PCDHGB3: variants seen among roughly 807,000 people sequenced by gnomAD.
The protein encoded by PCDHGB3 is protocadherin gamma-B3.
A neutral mutation model predicts 59.2 loss-of-function variants in PCDHGB3; 40 were observed. The ratio of observed to expected loss-of-function variants is 0.68; its 90% CI spans 0.52 to 0.88. The LOEUF (loss-of-function observed/expected upper bound fraction) is 0.88, where lower values mean the gene tolerates loss of function less well. Ranked by LOEUF, PCDHGB3 falls within the 40% of genes least tolerant of loss-of-function variation. The pLI is 0.00. For synonymous variants in PCDHGB3, 581 were observed against 503.6 expected (o/e 1.15, Z -2.06); for missense variants, 1,309 against 1,187.9 (o/e 1.10, Z -1.50).
intron 1 of PCDHGB3, among the ~76,000 whole-genome samples, chr5:141,438,633 T>C (rs1222106413): frequency 2.9e-5 from 1 of 34,046 alleles, no homozygotes; most frequent in Non-Finnish European, 5.1e-5. Context: ...TATATATATA[T>C]ATACACACAC....
rs118021618 is a variant in PCDHGB3, at chr5:141,382,926, C to T, written c.2415+10117C>T. On this transcript the variant is annotated intron_variant, in intron 1 of 3. Transcript: ENST00000576222. ...TGGCGGCTCAGCCGAGGGGCGGGGA[C>T]TACAGAGGATTCTTCCTGCTCTCCA... 1,227 of 1,577,740 alleles carry T rather than the reference C, an allele frequency of 7.8e-4. 19 individuals carry two copies. The East Asian group carries it at 0.025, about 33-fold the overall frequency.
At chr5:141,390,163 C>T (rs376391116) in intron 1 of PCDHGB3, 27 of 1,613,874 alleles carry the variant, frequency 1.7e-5, no homozygotes, top group African/African-American at 2.7e-5. Flanking sequence ...ACAGGAAAGA[C>T]GGAGTTTAAT....
intron 1 of PCDHGB3, chr5:141,403,981 T>C (rs374013287): frequency 1.4e-5 from 23 of 1,613,600 alleles, no homozygotes; most frequent in Admixed American, 1.2e-4. Flanking sequence ...TAAATGACAA[T>C]AGACCTGAAG....
chr5:141,414,644 A>C lies in PCDHGB3; in HGVS notation c.2415+41835A>C, dbSNP rs1310121141. 6.2e-7 allele frequency: 1 copy of C among 1,613,982 alleles called. No individual in the cohort carries two copies. Among genetic ancestry groups the C allele is most frequent in the Non-Finnish European group, 8.5e-7 (1 of 1,179,894 alleles). ...GACCCGGACAGCAAAGAGAATGCCC[A>C]GATTATTTACTCCCTGGCTGAAGAC... On this transcript the variant is annotated intron_variant, in intron 1 of 3. Transcript: ENST00000576222.
rs541159563 is a variant in PCDHGB3, at chr5:141,383,854, G to A, written c.2415+11045G>A. 2.3e-5 allele frequency: 37 copies of A among 1,613,942 alleles called. No homozygotes were observed. The South Asian group carries it at 3.4e-4, about 15-fold the overall frequency. Reference sequence around the variant, plus strand: ...AGAAACTGCCTTCTATGAAATGGAGGTTCAGGCTCAAGATGGTCCTGGTAG... The same window carrying A: ...AGAAACTGCCTTCTATGAAATGGAGATTCAGGCTCAAGATGGTCCTGGTAG... On this transcript the variant is annotated intron_variant, in intron 1 of 3. Transcript: ENST00000576222.
chr5:141,486,722 G>C lies in PCDHGB3; in HGVS notation c.2416-8085G>C, dbSNP rs1235454839. The C allele has an allele frequency of 6.2e-7, 1 of 1,614,200 alleles. No homozygotes were observed. Among genetic ancestry groups the C allele is most frequent in the East Asian group, 2.2e-5 (1 of 44,874 alleles). ...CTCTCTGAACCCCCAGACAGGAGCT[G>C]TTCATGCTACTCGATCCTTTGACTA... On this transcript the variant is annotated intron_variant, in intron 1 of 3. Transcript: ENST00000576222. This position sits in a 1 kb window ranked among gnomAD's most constrained non-coding sequence, Gnocchi z 5.0.
chr5:141,384,848 G>A, intron 1 of PCDHGB3: 1 of 1,613,600 alleles, frequency 6.2e-7, no homozygotes, highest in Non-Finnish European at 8.5e-7. Flanking sequence ...CAGGACCACG[G>A]TCAGCCTCCT....
In PCDHGB3 at chr5:141,486,370, T is replaced by A; in HGVS notation, c.2416-8437T>A. On this transcript the variant is annotated intron_variant, in intron 1 of 3. Transcript: ENST00000576222. This position sits in a 1 kb window ranked among gnomAD's most constrained non-coding sequence, Gnocchi z 5.0. ...ACCACTTGCCATTTGCCCTCAAGTC[T>A]GCCTTCAGGAACCAGTTCTCCCTGG... 1 of 1,614,106 alleles carries A rather than the reference T, an allele frequency of 6.2e-7. No homozygotes were observed. The highest frequency in any genetic ancestry group is 8.5e-7 in the Non-Finnish European group (1 of 1,179,986).
intron 2 of PCDHGB3, among the ~76,000 whole-genome samples, chr5:141,503,598 C>CAA (rs765754054): frequency 1.5e-4 from 10 of 65,698 alleles, no homozygotes; most frequent in African/African-American, 2.3e-4. Context: ...GACTCCAGCT[C>CAA]AAAAAAAAAA....
At chr5:141,416,186 T>G (rs904230611) in intron 1 of PCDHGB3, 2 of 152,474 alleles carry the variant, frequency 1.3e-5, no homozygotes, top group African/African-American at 4.8e-5. Flanking sequence ...TTCATTAATA[T>G]TGAATTAACA....
chr5:141,381,965 G>A (rs571350764), intron 1 of PCDHGB3, among the ~76,000 whole-genome samples: 2 of 151,078 alleles, frequency 1.3e-5, no homozygotes, highest in Admixed American at 1.3e-4. Context: ...GAGTAGCTGG[G>A]ATTACAGGCG....
chr5:141,414,437 C>T (rs1422750138), intron 1 of PCDHGB3: 1 of 1,613,856 alleles, frequency 6.2e-7, no homozygotes, highest in Non-Finnish European at 8.5e-7. Flanking sequence ...CAGGTATCCT[C>T]TTACAATATC....
Position 141,431,520 on chromosome 5 carries a change from A to T in PCDHGB3, c.2415+58711A>T. ...GAGTACCGCGCGAGCGTTCCGGAGA[A>T]TCTGGCCTTGGGCACGCAGCTGCTT... On this transcript the variant is annotated intron_variant, in intron 1 of 3. Transcript: ENST00000576222. The surrounding 1 kb of genome is among the most constrained non-coding windows in gnomAD (Gnocchi z 4.8). 6.2e-7 allele frequency: 1 copy of T among 1,614,068 alleles called. No homozygotes were observed. Among genetic ancestry groups the T allele is most frequent in the Non-Finnish European group, 8.5e-7 (1 of 1,180,020 alleles).
chr5:141,418,247 G>T, intron 1 of PCDHGB3: 1 of 1,614,032 alleles, frequency 6.2e-7, no homozygotes, highest in Non-Finnish European at 8.5e-7. Context: ...TAATGACCAC[G>T]CCCCTCAATT....
chr5:141,409,198 A>T, intron 1 of PCDHGB3: 1 of 1,614,010 alleles, frequency 6.2e-7, no homozygotes, highest in South Asian at 1.1e-5. Flanking sequence ...CCCAGTGTAA[A>T]GTAATCATAG....
In PCDHGB3 at chr5:141,490,506, C is replaced by T. The variant is rs967095367; in HGVS notation, c.2416-4301C>T. ...GGGAGGCCACATCCCACTATATCAT[C>T]GAGCTGCTGGCCAGCGATGCTGGTT... is the stretch of plus-strand genomic sequence containing the variant. On this transcript the variant is annotated intron_variant, in intron 1 of 3. Transcript: ENST00000576222. This position sits in a 1 kb window ranked among gnomAD's most constrained non-coding sequence, Gnocchi z 5.4. The T allele has an allele frequency of 1.2e-5, 19 of 1,614,116 alleles. No homozygotes were observed. The highest frequency in any genetic ancestry group is 2.2e-5 in the South Asian group (2 of 91,088).
At chr5:141,483,333 C>G (rs566443186) in intron 1 of PCDHGB3, among the ~76,000 whole-genome samples, 1 of 152,096 alleles carries the variant, frequency 6.6e-6, no homozygotes, top group East Asian at 1.9e-4. Context: ...GCAAAGAGAT[C>G]TTATCTCTTT....
intron 1 of PCDHGB3, among the ~76,000 whole-genome samples, chr5:141,483,373 G>A (rs1410856257): frequency 6.6e-6 from 1 of 152,166 alleles, no homozygotes; most frequent in Admixed American, 6.5e-5. Flanking sequence ...TGCAATATTT[G>A]AAGAGAAGAT....
intron 1 of PCDHGB3, among the ~76,000 whole-genome samples, chr5:141,492,108 C>T (rs1331001233): frequency 2.6e-5 from 4 of 152,232 alleles, no homozygotes; most frequent in African/African-American, 9.6e-5. Flanking sequence ...TAGATTTCCT[C>T]TTCGATTTCT....
Sources: gnomAD v4.1 joint callset for allele counts (sites outside exome capture counted in the v4.1 genomes callset) on GRCh38, gnomAD v4.1.1 for gene constraint, Gnocchi (gnomAD v3.1) non-coding constraint, MANE v1.5 for transcripts, NCBI Gene and HGNC (gene_info 2026-07-23, HGNC 2026-07-21) for gene names.